CSMD1: variants seen among roughly 807,000 people sequenced by gnomAD.
CSMD1 encodes CUB and Sushi multiple domains 1, also known as CUB and sushi domain-containing protein 1.
CSMD1 carries 213 observed loss-of-function variants against 417.5 expected under a neutral mutation model. That is an observed-to-expected ratio of 0.51 (90% confidence interval 0.46 to 0.57). The LOEUF is 0.57. Among genes scored for constraint, CSMD1 ranks in the 20% least tolerant of loss-of-function variants. CSMD1 has a pLI of 0.00. For missense variants in CSMD1, 6,923 were observed against 4,529.7 expected (o/e 1.53, Z -15.17); for synonymous variants, 2,862 against 1,736.8 (o/e 1.65, Z -16.11).
intron 57 of CSMD1, among the ~76,000 whole-genome samples, chr8:2,968,621 G>A (rs184909376): frequency 3.9e-5 from 6 of 152,004 alleles, no homozygotes; most frequent in Admixed American, 1.3e-4. Flanking sequence ...TTTCACTCAC[G>A]GTTATAACTA....
intron 23 of CSMD1, among the ~76,000 whole-genome samples, chr8:3,314,869 C>T (rs921432838): frequency 6.6e-6 from 1 of 152,202 alleles, no homozygotes; most frequent in Admixed American, 6.5e-5. Flanking sequence ...CAGACTTAAT[C>T]CATTTTATAC....
chr8:4,123,268 C>G (rs923155336), intron 3 of CSMD1, among the ~76,000 whole-genome samples: 1 of 152,154 alleles, frequency 6.6e-6, no homozygotes, highest in African/African-American at 2.4e-5. Flanking sequence ...GGCTTTGTAG[C>G]TTTTAGAATA....
At chr8:4,800,975 T>G (rs1292772657) in intron 1 of CSMD1, among the ~76,000 whole-genome samples, 1 of 152,202 alleles carries the variant, frequency 6.6e-6, no homozygotes, top group Non-Finnish European at 1.5e-5. Flanking sequence ...TTTCCTTAGT[T>G]TTATCCCAAG....
rs141805159 is a variant in CSMD1, at chr8:3,792,553, C to G, written c.819-38511G>C. Among the ~76,000 whole-genome samples, 425 of 152,268 alleles carry G rather than the reference C, an allele frequency of 2.8e-3. 2 individuals carry two copies. Among genetic ancestry groups the G allele is most frequent in the African/African-American group, 9.4e-3 (389 of 41,546 alleles). On this transcript the variant is annotated intron_variant, in intron 5 of 69. Coordinates refer to ENST00000635120, the MANE Select transcript of CSMD1 (RefSeq NM_033225.6). ...ATTGATTTATTTTTCAGACTAGTAA[C>G]TTTGGAATTGACTCCTCCTTTGTTA...
At chr8:4,350,954 G>C (rs140845061) in intron 3 of CSMD1, among the ~76,000 whole-genome samples, 2 of 152,248 alleles carry the variant, frequency 1.3e-5, no homozygotes, top group Admixed American at 1.3e-4. Context: ...CTTTCTGCAA[G>C]TCATCGTTTA....
At chr8:4,663,342 A>G (rs1804721018) in intron 1 of CSMD1, among the ~76,000 whole-genome samples, 1 of 152,192 alleles carries the variant, frequency 6.6e-6, no homozygotes, top group Admixed American at 6.5e-5. Flanking sequence ...GAGCAAAACT[A>G]CGTAGAATCT....
intron 8 of CSMD1, among the ~76,000 whole-genome samples, chr8:3,594,102 T>G (rs1319080050): frequency 6.6e-6 from 1 of 152,190 alleles, no homozygotes; most frequent in Non-Finnish European, 1.5e-5. Context: ...CTTCAGCATC[T>G]TGAAAACATT....
chr8:3,298,927 C>T (rs1804174017), intron 25 of CSMD1, among the ~76,000 whole-genome samples: 1 of 152,100 alleles, frequency 6.6e-6, no homozygotes, highest in Non-Finnish European at 1.5e-5. Flanking sequence ...TGTGAACAAG[C>T]CACATGGCAG....
intron 25 of CSMD1, among the ~76,000 whole-genome samples, chr8:3,296,770 A>G (rs1482936965): frequency 3.3e-5 from 5 of 152,116 alleles, no homozygotes; most frequent in Non-Finnish European, 5.9e-5. Context: ...GAAACTGGAA[A>G]AGTGGAGTTG....
rs556931696 is a variant in CSMD1, at chr8:3,510,356, C to T, written c.1345-16630G>A. On this transcript the variant is annotated intron_variant, in intron 10 of 69. Coordinates refer to ENST00000635120, the MANE Select transcript of CSMD1 (RefSeq NM_033225.6). Reference sequence around the variant, plus strand: ...AACACAGCCGGAGCTTGGGGGAGGACAGTAGAGAAAGCACATGGGTACTTG... The same window carrying T: ...AACACAGCCGGAGCTTGGGGGAGGATAGTAGAGAAAGCACATGGGTACTTG... Among the ~76,000 whole-genome samples, 31 of 151,870 alleles carry T rather than the reference C, an allele frequency of 2.0e-4. 1 individual carries two copies. Among genetic ancestry groups the T allele is most frequent in the African/African-American group, 7.3e-4 (30 of 41,188 alleles).
chr8:3,013,769 A>G (rs1387880244), intron 52 of CSMD1, among the ~76,000 whole-genome samples: 1 of 151,686 alleles, frequency 6.6e-6, no homozygotes, highest in Non-Finnish European at 1.5e-5. Flanking sequence ...AAAAAATTCC[A>G]AACAGTCCTC....
chr8:3,038,090 C>G (rs1810817782), intron 50 of CSMD1, among the ~76,000 whole-genome samples: 1 of 151,646 alleles, frequency 6.6e-6, no homozygotes, highest in Non-Finnish European at 1.5e-5. Context: ...GACTTAGATC[C>G]TGGAATATTT....
chr8:4,739,099 T>C (rs1466007480), intron 1 of CSMD1, among the ~76,000 whole-genome samples: 1 of 151,858 alleles, frequency 6.6e-6, no homozygotes, highest in Non-Finnish European at 1.5e-5. Context: ...CATGTGAACA[T>C]ACACACGTGC....
In CSMD1 at chr8:4,934,342, A is replaced by C. The variant is rs35253816; in HGVS notation, c.85+59990T>G. Among the ~76,000 whole-genome samples the C allele has an allele frequency of 2.6e-5, 4 of 152,162 alleles. No homozygotes were observed. The East Asian group carries it at 5.8e-4, about 22-fold the overall frequency. ...CTTGTTTTGCAGCCCTATGTATTAAATTCAAAATTATTTGTATAGATATGA... is the reference window on the plus strand; with the variant it reads ...CTTGTTTTGCAGCCCTATGTATTAACTTCAAAATTATTTGTATAGATATGA... On this transcript the variant is annotated intron_variant, in intron 1 of 69. Transcript: ENST00000635120.
At chr8:3,870,342 A>C (rs986384394) in intron 5 of CSMD1, among the ~76,000 whole-genome samples, 1 of 152,192 alleles carries the variant, frequency 6.6e-6, no homozygotes, top group Non-Finnish European at 1.5e-5. Context: ...GATGATTTGT[A>C]GCACATATGT....
In CSMD1 at chr8:3,909,266, G is replaced by C. The variant is rs146088778; in HGVS notation, c.818+88637C>G. Among the ~76,000 whole-genome samples the C allele has an allele frequency of 6.4e-3, 982 of 152,272 alleles. 3 individuals are homozygous for C. The highest frequency in any genetic ancestry group is 8.4e-3 in the Non-Finnish European group (571 of 68,026). On this transcript the variant is annotated intron_variant, in intron 5 of 69. Coordinates refer to ENST00000635120, the MANE Select transcript of CSMD1 (RefSeq NM_033225.6). ...GGAGATGTAGACCCAAAAGGTGTCA[G>C]TGTTGAGGCACTTTCCCTCATTGAA...
rs1802789030 is a variant in CSMD1, at chr8:3,282,164, C to A, written c.4153+1980G>T. Among the ~76,000 whole-genome samples, 3 of 152,136 alleles carry A rather than the reference C, an allele frequency of 2.0e-5. No homozygotes were observed. In the South Asian group the frequency reaches 6.2e-4, roughly 32 times the overall value. On this transcript the variant is annotated intron_variant, in intron 26 of 69. Coordinates refer to ENST00000635120, the MANE Select transcript of CSMD1 (RefSeq NM_033225.6). ...CAATATGAAGATGGAATAATATACC[C>A]ATGGAATGCATAACACCAAAAGTGA...
intron 20 of CSMD1, among the ~76,000 whole-genome samples, chr8:3,366,304 A>G (rs1464345006): frequency 6.6e-6 from 1 of 152,100 alleles, no homozygotes; most frequent in Non-Finnish European, 1.5e-5. Flanking sequence ...CTGTTCACTG[A>G]GCATCATTTG....
At chr8:4,272,349 C>T (rs1204070005) in intron 3 of CSMD1, among the ~76,000 whole-genome samples, 4 of 152,078 alleles carry the variant, frequency 2.6e-5, no homozygotes, top group South Asian at 2.1e-4. Flanking sequence ...CATGTTATTC[C>T]ACTAATTGCT....
Sources: allele counts gnomAD v4.1 joint callset (sites outside exome capture counted in the v4.1 genomes callset), GRCh38; gene constraint gnomAD v4.1.1; transcripts MANE v1.5; gene names NCBI Gene and HGNC (gene_info 2026-07-23, HGNC 2026-07-21).